Variants in NAALADL2 observed in about 807,000 individuals in gnomAD.
NAALADL2 encodes N-acetylated alpha-linked acidic dipeptidase like 2.
A neutral mutation model predicts 87.2 loss-of-function variants in NAALADL2; 76 were observed. The observed-to-expected ratio is 0.87, with a 90% CI of 0.72 to 1.05. The LOEUF is 1.05. NAALADL2 is among the 50% of genes least tolerant of loss of function. The probability of loss-of-function intolerance (pLI) is 0.00; values close to 1 mark genes in which losing one functional copy is unlikely to be tolerated. For synonymous variants in NAALADL2, 354 were observed against 331.0 expected (o/e 1.07, Z -0.75); for missense variants, 1,089 against 945.8 (o/e 1.15, Z -1.99).
chr3:175,207,687 T>A (rs888668025), intron 2 of NAALADL2, among the ~76,000 whole-genome samples: 4 of 152,128 alleles, frequency 2.6e-5, no homozygotes, highest in Non-Finnish European at 5.9e-5. Context: ...TCATTTAGTG[T>A]TCCAGTGTTG....
At chr3:175,659,950 A>G (rs1158097938) in intron 11 of NAALADL2, among the ~76,000 whole-genome samples, 1 of 152,156 alleles carries the variant, frequency 6.6e-6, no homozygotes, top group Non-Finnish European at 1.5e-5. Flanking sequence ...CTGGTAATTT[A>G]TAAACAGGAA....
intron 9 of NAALADL2, among the ~76,000 whole-genome samples, chr3:175,485,351 A>G (rs1057200770): frequency 1.3e-5 from 2 of 152,148 alleles, no homozygotes; most frequent in Non-Finnish European, 2.9e-5. Context: ...AATAGGATAT[A>G]CATATATAGG....
chr3:175,621,382 A>G (rs746011859), intron 10 of NAALADL2, among the ~76,000 whole-genome samples: 3 of 152,322 alleles, frequency 2.0e-5, no homozygotes, highest in Non-Finnish European at 2.9e-5. Context: ...AGGCATTGTT[A>G]TGAATGTAAT....
At chr3:175,554,275 C>T (rs186601788) in intron 9 of NAALADL2, among the ~76,000 whole-genome samples, 1 of 152,130 alleles carries the variant, frequency 6.6e-6, no homozygotes, top group Non-Finnish European at 1.5e-5. Context: ...CAGTTCTATT[C>T]TGAATGCAAT....
rs144037562 is a variant in NAALADL2, at chr3:175,604,519, T to A, written c.1801-22772T>A. On this transcript the variant is annotated intron_variant, in intron 10 of 13. Coordinates refer to ENST00000454872, the MANE Select transcript of NAALADL2 (RefSeq NM_207015.3). Reference sequence around the variant, plus strand: ...CGGGGTTTCACCGTGTTAGCCAGGATGGTCTTGATCTCCTGACCTCATGAT... The same window carrying A: ...CGGGGTTTCACCGTGTTAGCCAGGAAGGTCTTGATCTCCTGACCTCATGAT... Among the ~76,000 whole-genome samples the A allele has an allele frequency of 6.7e-3, 1,017 of 152,158 alleles. 14 individuals carry two copies. Among genetic ancestry groups the A allele is most frequent in the African/African-American group, 0.023 (970 of 41,520 alleles).
chr3:175,223,454 G>A (rs1743702105), intron 2 of NAALADL2, among the ~76,000 whole-genome samples: 1 of 151,364 alleles, frequency 6.6e-6, no homozygotes, highest in African/African-American at 2.4e-5. Flanking sequence ...TGTTACAAAT[G>A]GCAAGATTCC....
At chr3:175,248,429 G>C (rs1171409221) in intron 3 of NAALADL2, among the ~76,000 whole-genome samples, 1 of 152,166 alleles carries the variant, frequency 6.6e-6, no homozygotes, top group African/African-American at 2.4e-5. Context: ...CTGAAAACAA[G>C]TTTATGTATC....
intron 9 of NAALADL2, among the ~76,000 whole-genome samples, chr3:175,480,124 A>G (rs980507159): frequency 3.3e-4 from 50 of 151,798 alleles, no homozygotes; most frequent in African/African-American, 1.2e-3. Context: ...AATATATAAA[A>G]GAGCCTATAA....
chr3:175,005,955 C>T (rs1350855417), intron 1 of NAALADL2, among the ~76,000 whole-genome samples: 2 of 152,114 alleles, frequency 1.3e-5, no homozygotes, highest in African/African-American at 2.4e-5. Context: ...TGTCTAAAAG[C>T]AGTAAATATG....
At chr3:175,230,485 A>G (rs1334197938) in intron 2 of NAALADL2, among the ~76,000 whole-genome samples, 1 of 152,076 alleles carries the variant, frequency 6.6e-6, no homozygotes, top group Non-Finnish European at 1.5e-5. Context: ...TCTACATGAA[A>G]GGAAACATGA....
intron 10 of NAALADL2, among the ~76,000 whole-genome samples, chr3:175,625,588 G>T (rs1726871884): frequency 6.6e-6 from 1 of 151,910 alleles, no homozygotes; most frequent in South Asian, 2.1e-4. Context: ...TAAAAGGTGG[G>T]GAAATGATCT....
At chr3:174,907,973 CAT>C (rs1452638301) in intron 1 of NAALADL2, among the ~76,000 whole-genome samples, 1 of 143,008 alleles carries the variant, frequency 7.0e-6, no homozygotes, top group Non-Finnish European at 1.5e-5. Context: ...CATTAAGTAA[CAT>C]ATTTCTTATT....
chr3:174,496,752 A>C (rs1718564223), intron 1 of NAALADL2, among the ~76,000 whole-genome samples: 1 of 152,094 alleles, frequency 6.6e-6, no homozygotes, highest in South Asian at 2.1e-4. Context: ...CAGTGAACTC[A>C]AGTTGTGTTA....
At chr3:175,219,918 G>T (rs2109340755) in intron 2 of NAALADL2, among the ~76,000 whole-genome samples, 1 of 131,692 alleles carries the variant, frequency 7.6e-6, no homozygotes, top group South Asian at 2.4e-4. Flanking sequence ...ATATTTTAAT[G>T]CTATCATAAA....
chr3:174,520,190 T>A (rs1006332219), intron 1 of NAALADL2, among the ~76,000 whole-genome samples: 1 of 152,194 alleles, frequency 6.6e-6, no homozygotes, highest in African/African-American at 2.4e-5. Context: ...CCAATGTCAT[T>A]TTTCACAGAA....
At chr3:174,927,073 A>C (rs1736167438) in intron 1 of NAALADL2, among the ~76,000 whole-genome samples, 1 of 152,110 alleles carries the variant, frequency 6.6e-6, no homozygotes, top group African/African-American at 2.4e-5. Context: ...GTCTCTGATA[A>C]AACAGACTTT....
intron 11 of NAALADL2, among the ~76,000 whole-genome samples, chr3:175,682,695 T>C (rs1735753131): frequency 6.6e-6 from 1 of 152,074 alleles, no homozygotes; most frequent in Non-Finnish European, 1.5e-5. Context: ...CAGTATTTGT[T>C]ATTTTTGGTT....
At chr3:174,832,194 T>C (rs2109375302) in intron 3 of NAALADL2, among the ~76,000 whole-genome samples, 1 of 152,284 alleles carries the variant, frequency 6.6e-6, no homozygotes, top group African/African-American at 2.4e-5. Flanking sequence ...GTTTTAATTG[T>C]GATGTTAGGG....
intron 9 of NAALADL2, among the ~76,000 whole-genome samples, chr3:175,497,006 A>T (rs1314874765): frequency 6.6e-6 from 1 of 152,172 alleles, no homozygotes; most frequent in Non-Finnish European, 1.5e-5. Flanking sequence ...ATATTTATAT[A>T]ATTTGTTCAA....
Sources: gnomAD v4.1 joint callset for allele counts (sites outside exome capture counted in the v4.1 genomes callset) on GRCh38, gnomAD v4.1.1 for gene constraint, MANE v1.5 for transcripts, NCBI Gene and HGNC (gene_info 2026-07-23, HGNC 2026-07-21) for gene names.